CCSER2: variants seen among roughly 807,000 people sequenced by gnomAD.
The protein encoded by CCSER2 is serine-rich coiled-coil domain-containing protein 2.
A neutral mutation model predicts 92.3 loss-of-function variants in CCSER2; 46 were observed. The observed-to-expected ratio is 0.50, with a 90% confidence interval of 0.39 to 0.64. CCSER2 has a LOEUF of 0.64. CCSER2 is among the 30% of genes least tolerant of loss of function. CCSER2 has a pLI of 0.00. For synonymous variants in CCSER2, 433 were observed against 431.4 expected, an observed-to-expected ratio of 1.00 and a Z score of -0.04; for missense variants, 1,244 against 1,238.9, an observed-to-expected ratio of 1.00 and a Z score of -0.06.
At chr10:84,378,649 G>C (rs1358381468) in intron 3 of CCSER2, among the ~76,000 whole-genome samples, 1 of 152,040 alleles carries the variant, frequency 6.6e-6, no homozygotes, top group Non-Finnish European at 1.5e-5. Context: ...TGGCCAGGCT[G>C]GTCTCGAACT....
At chr10:84,380,737 A>T (rs1277543518) in intron 3 of CCSER2, among the ~76,000 whole-genome samples, 4 of 142,374 alleles carry the variant, frequency 2.8e-5, no homozygotes, top group African/African-American at 1.1e-4. Context: ...TGTGTCGCCC[A>T]GGCTGGAGTG....
rs141089583 is a variant in CCSER2 at position 84,368,609 on chromosome 10, A to C, written c.-39-2405A>C. 2.4e-3 allele frequency among the ~76,000 whole-genome samples: 364 copies of C among 152,296 alleles called. 1 individual carries two copies. Among genetic ancestry groups the C allele is most frequent in the African/African-American group, 8.4e-3 (348 of 41,564 alleles). On this transcript the variant is annotated intron_variant, in intron 1 of 9. Coordinates refer to ENST00000372088, the MANE Select transcript of CCSER2 (RefSeq NM_001284240.2). ...AAAATTCTCATGACTTTAGTAATTAAGGTTTTTCGAATGTCTTCTAGCTTT... is the reference window on the plus strand; with the variant it reads ...AAAATTCTCATGACTTTAGTAATTACGGTTTTTCGAATGTCTTCTAGCTTT...
chr10:84,399,907 T>C (rs1842029132), intron 3 of CCSER2, among the ~76,000 whole-genome samples: 2 of 150,978 alleles, frequency 1.3e-5, no homozygotes, highest in Non-Finnish European at 3.0e-5. Context: ...TTCTGTCTTT[T>C]TTTCTTTCTT....
At chr10:84,391,560 C>T in intron 3 of CCSER2, 1 of 1,490,294 alleles carries the variant, frequency 6.7e-7, no homozygotes. Context: ...AACAATGCCA[C>T]ATAGGCAGTT....
intron 6 of CCSER2, 75 bp from the exon 7 acceptor site, chr10:84,463,857 TG>T: frequency 1.0e-6 from 1 of 971,824 alleles, no homozygotes; most frequent in Non-Finnish European, 1.6e-6. Context: ...GCATTTGGTC[TG>T]GGTAAATTCA....
intron 1 of CCSER2, among the ~76,000 whole-genome samples, chr10:84,344,768 C>G (rs1844388650): frequency 6.6e-6 from 1 of 152,070 alleles, no homozygotes; most frequent in Non-Finnish European, 1.5e-5. Flanking sequence ...GGTTGGAAGG[C>G]AGGGTTTGTT....
chr10:84,477,036 T>C (rs1352031900), intron 8 of CCSER2, among the ~76,000 whole-genome samples: 3 of 152,238 alleles, frequency 2.0e-5, no homozygotes, highest in African/African-American at 7.2e-5. Flanking sequence ...CATTAAAATA[T>C]GGATTTAAGA....
At chr10:84,423,724 T>G (rs1843271946) in intron 4 of CCSER2, among the ~76,000 whole-genome samples, 1 of 151,978 alleles carries the variant, frequency 6.6e-6, no homozygotes, top group Non-Finnish European at 1.5e-5. Flanking sequence ...TTATATAGAG[T>G]TACTTAAACT....
intron 3 of CCSER2, among the ~76,000 whole-genome samples, chr10:84,401,382 G>A (rs913532097): frequency 2.0e-5 from 3 of 152,104 alleles, no homozygotes; most frequent in Non-Finnish European, 4.4e-5. Context: ...AAACTCCACA[G>A]ACATTAAAAA....
At chr10:84,512,052 T>G (rs1444665192) in intron 9 of CCSER2, among the ~76,000 whole-genome samples, 1 of 152,150 alleles carries the variant, frequency 6.6e-6, no homozygotes, top group African/African-American at 2.4e-5. Flanking sequence ...TATGCCATCA[T>G]AGCCAACCAT....
chr10:84,462,427 A>G (rs566968299), intron 6 of CCSER2, among the ~76,000 whole-genome samples: 2 of 152,334 alleles, frequency 1.3e-5, no homozygotes, highest in South Asian at 2.1e-4. Flanking sequence ...AAATAATTCA[A>G]ATTTTACAGT....
At chr10:84,350,813 A>G (rs954509319) in intron 1 of CCSER2, among the ~76,000 whole-genome samples, 1 of 152,182 alleles carries the variant, frequency 6.6e-6, no homozygotes, top group African/African-American at 2.4e-5. Flanking sequence ...TTTGACAGCA[A>G]CCGTTATGTG....
At chr10:84,483,354 T>C (rs1036631248) in intron 9 of CCSER2, among the ~76,000 whole-genome samples, 3 of 150,406 alleles carry the variant, frequency 2.0e-5, no homozygotes, top group Non-Finnish European at 4.4e-5. Flanking sequence ...GATTGCACAA[T>C]TGCACTCCAG....
chr10:84,518,480 T>G lies in CCSER2; in HGVS notation c.*4213T>G, dbSNP rs1007277924. Reference sequence around the variant, plus strand: ...GATGTAAAGTCTCTCCTGAAAATGTTGGCATAGTAAATAAAAATAAAGTTC... The same window carrying G: ...GATGTAAAGTCTCTCCTGAAAATGTGGGCATAGTAAATAAAAATAAAGTTC... On this transcript the variant is annotated 3_prime_UTR_variant, in exon 10 of 10. Transcript: ENST00000372088. The G allele has an allele frequency of 2.6e-5, 4 of 152,682 alleles. No individual in the cohort carries two copies. The highest frequency in any genetic ancestry group is 2.0e-4 in the Admixed American group (3 of 15,284). The allele number at this position is 152,682 out of a possible 1,614,324, so 9.5% of individuals were successfully genotyped here.
At chr10:84,409,926 C>T (rs969533829) in intron 3 of CCSER2, among the ~76,000 whole-genome samples, 3 of 152,128 alleles carry the variant, frequency 2.0e-5, no homozygotes, top group African/African-American at 4.8e-5. Context: ...ACCCCCTGCC[C>T]TCTGCTAGGT....
chr10:84,443,669 T>C (rs933002228), intron 6 of CCSER2, among the ~76,000 whole-genome samples: 2 of 152,118 alleles, frequency 1.3e-5, no homozygotes, highest in African/African-American at 4.8e-5. Context: ...TATAAATCAT[T>C]TTACTATAAA....
intron 9 of CCSER2, chr10:84,499,997 T>TC (rs776556058): frequency 6.2e-7 from 1 of 1,613,622 alleles, no homozygotes; most frequent in Non-Finnish European, 8.5e-7. Context: ...TGCTCTGGCT[T>TC]CCCCTTCATG....
intron 9 of CCSER2, among the ~76,000 whole-genome samples, chr10:84,488,426 T>C (rs770474558): frequency 2.0e-5 from 3 of 152,248 alleles, no homozygotes; most frequent in Non-Finnish European, 4.4e-5. Flanking sequence ...GAGCCTGTTG[T>C]TGGTCTATTC....
chr10:84,471,421 A>G (rs927590359), intron 8 of CCSER2, among the ~76,000 whole-genome samples: 5 of 152,160 alleles, frequency 3.3e-5, no homozygotes, highest in Admixed American at 1.3e-4. Flanking sequence ...AAAAAAGACA[A>G]CAAAGAAAAT....
Sources: allele counts gnomAD v4.1 joint callset (sites outside exome capture counted in the v4.1 genomes callset), GRCh38; gene constraint gnomAD v4.1.1; transcripts MANE v1.5; gene names NCBI Gene and HGNC (gene_info 2026-07-23, HGNC 2026-07-21).